The following GPHN variants were observed in gnomAD, a reference collection of about 807,000 sequenced individuals.
The protein encoded by GPHN is gephyrin.
Under a neutral mutation model 95.5 loss-of-function variants are expected in GPHN, and 17 were observed. That is an observed-to-expected ratio of 0.18 (90% confidence interval 0.12 to 0.27). The LOEUF (loss-of-function observed/expected upper bound fraction) is 0.27, where lower values mean the gene tolerates loss of function less well. Among genes scored for constraint, GPHN ranks in the 10% least tolerant of loss-of-function variants. The probability of loss-of-function intolerance (pLI) is 1.00; values close to 1 mark genes in which losing one functional copy is unlikely to be tolerated. For synonymous variants in GPHN, 320 were observed against 322.5 expected (o/e 0.99, Z 0.08); for missense variants, 660 against 978.1 (o/e 0.67, Z 4.34).
At chr14:66,578,344 T>C (rs1306630962) in intron 1 of GPHN, among the ~76,000 whole-genome samples, 1 of 151,788 alleles carries the variant, frequency 6.6e-6, no homozygotes, top group East Asian at 1.9e-4. Flanking sequence ...AACCAATCTT[T>C]GCATTATAGG....
chr14:66,951,423 G>A (rs2068100998), intron 8 of GPHN, among the ~76,000 whole-genome samples: 1 of 151,626 alleles, frequency 6.6e-6, no homozygotes, highest in Non-Finnish European at 1.5e-5. Flanking sequence ...GACTGAAGCA[G>A]GGGAATCACT....
At chr14:66,967,866 A>G (rs528911324) in intron 9 of GPHN, among the ~76,000 whole-genome samples, 1 of 152,010 alleles carries the variant, frequency 6.6e-6, no homozygotes, top group Admixed American at 6.6e-5. Context: ...GTGAAGAATG[A>G]ATGAAAACCA....
intron 1 of GPHN, among the ~76,000 whole-genome samples, chr14:66,629,243 A>ATTT (rs1595316408): frequency 7.5e-5 from 11 of 146,878 alleles, no homozygotes; most frequent in South Asian, 2.1e-4. Context: ...ATAAATATAA[A>ATTT]ACACACGTGT....
At chr14:66,618,436 A>G (rs1397355506) in intron 1 of GPHN, among the ~76,000 whole-genome samples, 2 of 152,166 alleles carry the variant, frequency 1.3e-5, no homozygotes, top group South Asian at 2.1e-4. Flanking sequence ...TATCTATTGA[A>G]AAGGTTATAT....
intron 2 of GPHN, among the ~76,000 whole-genome samples, chr14:66,756,483 G>C (rs1459965067): frequency 6.6e-6 from 1 of 151,992 alleles, no homozygotes; most frequent in African/African-American, 2.4e-5. Context: ...TCTGCATTTT[G>C]TATCCACGGT....
At chr14:67,212,721 A>T in the GPHN span, among the ~76,000 whole-genome samples, 3 of 150,628 alleles carry the variant, frequency 2.0e-5, no homozygotes, top group South Asian at 4.2e-4. Flanking sequence ...CTGAGGATTA[A>T]CTACTCAAAG....
chr14:67,215,733 C>G, the GPHN span, among the ~76,000 whole-genome samples: 1 of 152,068 alleles, frequency 6.6e-6, no homozygotes, highest in East Asian at 1.9e-4. Context: ...ATGAATCCAT[C>G]CAACTTAGCA....
chr14:66,685,677 T>C (rs1471376870), intron 2 of GPHN, among the ~76,000 whole-genome samples: 38 of 152,208 alleles, frequency 2.5e-4, no homozygotes, highest in Non-Finnish European at 2.1e-4. Context: ...ATTGCAAAAA[T>C]TTTCTCCCAT....
At chr14:67,182,416 A>G (rs1283096303), downstream of GPHN, among the ~76,000 whole-genome samples, 1 of 152,228 alleles carries the variant, frequency 6.6e-6, no homozygotes, top group Non-Finnish European at 1.5e-5. Flanking sequence ...TTGGCCTACT[A>G]GTAAACAAAA....
chr14:67,340,683 C>G, the GPHN span, among the ~76,000 whole-genome samples: 1 of 152,202 alleles, frequency 6.6e-6, no homozygotes, highest in South Asian at 2.1e-4. Context: ...TCCTCTCCCC[C>G]TCCCCCTCTC....
At chr14:66,725,121 A>G (rs1595699891) in intron 2 of GPHN, among the ~76,000 whole-genome samples, 1 of 152,296 alleles carries the variant, frequency 6.6e-6, no homozygotes, top group East Asian at 1.9e-4. Context: ...CTTCCTCATG[A>G]CAACACTGCA....
rs376962396 is a variant in GPHN at position 66,634,952 on chromosome 14, A to G, written c.65-46155A>G. 4.6e-4 allele frequency among the ~76,000 whole-genome samples: 70 copies of G among 152,266 alleles called. No individual in the cohort carries two copies. The East Asian group carries it at 7.7e-3, about 17-fold the overall frequency. ...CAAAAGTTTATTATCTCTTTCAGTT[A>G]TGTAGGTGGACTGGATGTAGGTTGA... On this transcript the variant is annotated intron_variant, in intron 1 of 22. Coordinates refer to ENST00000478722, the MANE Select transcript of GPHN (RefSeq NM_020806.5).
At chr14:67,692,994 C>T in the GPHN span, 13 of 1,614,174 alleles carry the variant, frequency 8.1e-6, no homozygotes, top group South Asian at 1.3e-4. Flanking sequence ...CCTGTGACCA[C>T]AACTACTTTC....
intron 1 of GPHN, among the ~76,000 whole-genome samples, chr14:66,547,233 A>G (rs1335639451): frequency 2.6e-5 from 4 of 152,122 alleles, no homozygotes; most frequent in Non-Finnish European, 5.9e-5. Flanking sequence ...ATGATCTTTC[A>G]GTTTAGTAGG....
At chr14:67,006,729 T>G (rs1439179969) in intron 9 of GPHN, among the ~76,000 whole-genome samples, 2 of 152,080 alleles carry the variant, frequency 1.3e-5, no homozygotes, top group African/African-American at 4.8e-5. Context: ...TCATCAGTTG[T>G]GGAGGTTAGG....
chr14:66,646,625 C>G (rs2064760915), intron 1 of GPHN, among the ~76,000 whole-genome samples: 1 of 151,878 alleles, frequency 6.6e-6, no homozygotes, highest in Admixed American at 6.6e-5. Context: ...AATAAGCCAG[C>G]AAGAAGAAGA....
chr14:66,561,457 G>T (rs901745022), intron 1 of GPHN, among the ~76,000 whole-genome samples: 1 of 151,924 alleles, frequency 6.6e-6, no homozygotes, highest in African/African-American at 2.4e-5. Flanking sequence ...GAATCCTGAG[G>T]TTTCTTGAAT....
At chr14:67,559,749 C>T in the GPHN span, 1 of 1,180,426 alleles carries the variant, frequency 8.5e-7, no homozygotes, top group African/African-American at 1.5e-5. Context: ...CTGCCCTGAC[C>T]CCCGGAGTTT....
chr14:66,850,404 C>A (rs1449516598), intron 4 of GPHN, among the ~76,000 whole-genome samples: 1 of 152,146 alleles, frequency 6.6e-6, no homozygotes, highest in East Asian at 1.9e-4. Flanking sequence ...TAGAGCTCAA[C>A]TTCCTCTTAA....
Sources: allele counts gnomAD v4.1 joint callset (sites outside exome capture counted in the v4.1 genomes callset), GRCh38; gene constraint gnomAD v4.1.1; transcripts MANE v1.5; gene names NCBI Gene and HGNC (gene_info 2026-07-23, HGNC 2026-07-21).